The following PPP3CA variants were observed in gnomAD, a reference collection of about 807,000 sequenced individuals.
PPP3CA encodes the protein CAM-PRP catalytic subunit.
A neutral mutation model predicts 66.5 loss-of-function variants in PPP3CA; 14 were observed. That is an observed-to-expected ratio of 0.21 (90% confidence interval 0.14 to 0.33). PPP3CA has a LOEUF of 0.33. Ranked by LOEUF, PPP3CA falls within the 10% of genes least tolerant of loss-of-function variation. The pLI, the probability that PPP3CA is intolerant of heterozygous loss-of-function variation, is 1.00. For synonymous variants in PPP3CA, 232 were observed against 226.2 expected (o/e 1.03, Z -0.23); for missense variants, 317 against 639.5 (o/e 0.50, Z 5.44).
chr4:101,097,863 C>T (rs1429758358), intron 5 of PPP3CA, among the ~76,000 whole-genome samples: 3 of 152,082 alleles, frequency 2.0e-5, no homozygotes, highest in Admixed American at 2.0e-4. Context: ...TTAAAAAGTC[C>T]AGTTTTTCAC....
intron 2 of PPP3CA, among the ~76,000 whole-genome samples, chr4:101,142,881 G>T (rs915423945): frequency 6.6e-6 from 1 of 152,168 alleles, no homozygotes; most frequent in Non-Finnish European, 1.5e-5. Flanking sequence ...AATGATCAGG[G>T]AGGCAACAAT....
chr4:101,068,303 C>T (rs919558927), intron 8 of PPP3CA, among the ~76,000 whole-genome samples: 3 of 152,102 alleles, frequency 2.0e-5, no homozygotes, highest in Non-Finnish European at 4.4e-5. Context: ...TTCTTCCACC[C>T]GCAGATGCCC....
At chr4:101,134,341 T>C (rs565382074) in intron 2 of PPP3CA, among the ~76,000 whole-genome samples, 1 of 152,266 alleles carries the variant, frequency 6.6e-6, no homozygotes, top group South Asian at 2.1e-4. Context: ...AATCTGTCCA[T>C]CTGACAAAGG....
In PPP3CA at chr4:101,167,903, C is replaced by T. The variant is rs75447779; in HGVS notation, c.259+28013G>A. Among the ~76,000 whole-genome samples the T allele has an allele frequency of 8.2e-3, 1,247 of 152,212 alleles. 17 individuals are homozygous for T. Among genetic ancestry groups the T allele is most frequent in the African/African-American group, 0.029 (1,198 of 41,538 alleles). ...AAATCAGAAAGACATAAAGGCAGAA[C>T]AGGCAAAGGATCAGAAAGGCCTTGG... On this transcript the variant is annotated intron_variant, in intron 2 of 13. Coordinates refer to ENST00000394854, the MANE Select transcript of PPP3CA (RefSeq NM_000944.5).
intron 2 of PPP3CA, among the ~76,000 whole-genome samples, chr4:101,124,733 A>AAGAGAGAGAG (rs1491346725): frequency 5.8e-5 from 4 of 69,234 alleles, no homozygotes; most frequent in South Asian, 5.8e-4. Context: ...AAGAGAAAGA[A>AAGAGAGAGAG]AGAAAGAAAG....
chr4:101,068,551 T>C (rs1002962587), intron 8 of PPP3CA, among the ~76,000 whole-genome samples: 1 of 152,090 alleles, frequency 6.6e-6, no homozygotes, highest in Non-Finnish European at 1.5e-5. Flanking sequence ...TTTTTGGGGG[T>C]ACAATTTTCA....
At chr4:101,104,955 G>A (rs1039335193) in intron 3 of PPP3CA, among the ~76,000 whole-genome samples, 1 of 152,056 alleles carries the variant, frequency 6.6e-6, no homozygotes, top group Non-Finnish European at 1.5e-5. Flanking sequence ...TCCAATACAT[G>A]CATCTTAGAA....
chr4:101,120,406 T>C (rs1457511182), intron 2 of PPP3CA, among the ~76,000 whole-genome samples: 1 of 152,016 alleles, frequency 6.6e-6, no homozygotes, highest in Non-Finnish European at 1.5e-5. Context: ...CTTCCTGACA[T>C]CAGTGGATTT....
intron 9 of PPP3CA, among the ~76,000 whole-genome samples, chr4:101,062,147 G>T (rs1232674975): frequency 1.3e-5 from 2 of 151,966 alleles, no homozygotes; most frequent in African/African-American, 4.8e-5. Flanking sequence ...TTCAAAAGGT[G>T]CCCCATAGTT....
At chr4:101,186,687 T>A (rs1481133482) in intron 2 of PPP3CA, among the ~76,000 whole-genome samples, 1 of 152,088 alleles carries the variant, frequency 6.6e-6, no homozygotes, top group Non-Finnish European at 1.5e-5. Flanking sequence ...TTAGAAAAGG[T>A]AAGTAGGGGA....
Position 101,196,061 on chromosome 4 carries a change from A to G in PPP3CA, c.114T>C (p.Asp38=), listed in dbSNP as rs1355315775. ...RLTAKEVFDN[D]GKPRVDILKA... is the part of the protein sequence containing the mutation. The stretch of plus-strand genomic sequence containing the variant: ...TTAAGATATCCACACGAGGTTTTCC[A>G]TCATTATCAAACACTTCTTTTGCTG... The change falls in exon 2 of 14, where the codon GAT becomes GAC. Residue 38 remains aspartate, a synonymous_variant. Transcript: ENST00000394854. 6.2e-7 allele frequency: 1 copy of G among 1,614,018 alleles called. No homozygotes were observed.
chr4:101,065,338 T>C (rs146452022), intron 8 of PPP3CA, among the ~76,000 whole-genome samples: 2 of 152,198 alleles, frequency 1.3e-5, no homozygotes, highest in African/African-American at 2.4e-5. Context: ...CATCCTCATA[T>C]CTTCAGATGA....
At chr4:101,279,149 G>A (rs187697492) in intron 1 of PPP3CA, among the ~76,000 whole-genome samples, 1 of 152,132 alleles carries the variant, frequency 6.6e-6, no homozygotes. Context: ...AGAATTAATA[G>A]TAAAGATGAG....
intron 2 of PPP3CA, among the ~76,000 whole-genome samples, chr4:101,153,358 A>G (rs1480932362): frequency 1.3e-5 from 2 of 152,226 alleles, no homozygotes; most frequent in Admixed American, 1.3e-4. Flanking sequence ...TGCTAAGTTC[A>G]ACTATCAGCA....
rs570356405 is a variant in PPP3CA at position 101,025,785 on chromosome 4, C to G, written c.*80G>C. ...TGTCAGAGGCAAGAACATCCAACTGCTGATATGCAGCAATCCCCATCATGC... is the reference window on the plus strand; with the variant it reads ...TGTCAGAGGCAAGAACATCCAACTGGTGATATGCAGCAATCCCCATCATGC... On this transcript the variant is annotated 3_prime_UTR_variant, in exon 14 of 14. Coordinates refer to ENST00000394854, the MANE Select transcript of PPP3CA (RefSeq NM_000944.5). The G allele has an allele frequency of 1.2e-4, 139 of 1,180,424 alleles. No individual in the cohort carries two copies. The African/African-American group carries it at 2.2e-3, about 19-fold the overall frequency. 73.1% of individuals were successfully genotyped at this position (1,180,424 alleles called of 1,614,324 possible). A position where few individuals can be genotyped will look rare whatever the true frequency, so the allele number is the denominator to read the frequency against.
chr4:101,084,391 A>G (rs981576925), intron 6 of PPP3CA, among the ~76,000 whole-genome samples: 3 of 152,196 alleles, frequency 2.0e-5, no homozygotes, highest in African/African-American at 7.2e-5. Context: ...CTGTAATCCC[A>G]GCACTTTGGG....
Position 101,093,836 on chromosome 4 carries a change from T to C in PPP3CA, c.722A>G (p.Asn241Ser), listed in dbSNP as rs1467830676. ...LWSDPLEDFGNEKTQEHFTHN... is the reference protein window; with the variant it reads ...LWSDPLEDFGSEKTQEHFTHN... ...AGTGAAATGTTCCTGAGTCTTCTCA[T>C]TTCCAAAATCTTCCAGGGGGTCTGA... Residue 241 changes from asparagine (N) to serine (S), a missense_variant, in exon 6 of 14, where the codon AAT becomes AGT. Coordinates refer to ENST00000394854, the MANE Select transcript of PPP3CA (RefSeq NM_000944.5). The C allele has an allele frequency of 6.2e-7, 1 of 1,613,394 alleles. No individual in the cohort carries two copies. Among genetic ancestry groups the C allele is most frequent in the Admixed American group, 1.7e-5 (1 of 59,962 alleles).
chr4:101,098,335 A>T lies in PPP3CA; in HGVS notation c.642+32T>A, dbSNP rs766446178. On this transcript the variant is annotated intron_variant, in intron 5 of 13. Transcript: ENST00000394854. ...TTCTATTTATTACTGTAGCGCACAA[A>T]ATGATTAGACTTGGAAAATAACAAA... 3.2e-6 allele frequency: 5 copies of T among 1,569,620 alleles called. No individual in the cohort carries two copies. The South Asian group carries it at 3.6e-5, about 11-fold the overall frequency.
intron 10 of PPP3CA, among the ~76,000 whole-genome samples, chr4:101,042,803 C>CTT (rs534973228): frequency 5.9e-5 from 7 of 117,696 alleles, no homozygotes; most frequent in African/African-American, 5.8e-5. Context: ...AAGACTTTTT[C>CTT]TTTTTTTTTT....
Sources: allele counts gnomAD v4.1 joint callset (sites outside exome capture counted in the v4.1 genomes callset), GRCh38; gene constraint gnomAD v4.1.1; transcripts MANE v1.5; gene names NCBI Gene and HGNC (gene_info 2026-07-23, HGNC 2026-07-21).